The following LIMCH1 variants were observed in gnomAD, a reference collection of about 807,000 sequenced individuals.
LIMCH1 encodes the protein LIM and calponin homology domains-containing protein 1.
A neutral mutation model predicts 176.5 loss-of-function variants in LIMCH1; 113 were observed. That is an observed-to-expected ratio of 0.64 (90% confidence interval 0.55 to 0.75). The LOEUF is 0.75. Among genes scored for constraint, LIMCH1 ranks in the 30% least tolerant of loss-of-function variants. The pLI, the probability that LIMCH1 is intolerant of heterozygous loss-of-function variation, is 0.00. For synonymous variants in LIMCH1, 619 were observed against 645.9 expected (o/e 0.96, Z 0.63); for missense variants, 1,674 against 1,814.9 (o/e 0.92, Z 1.41).
At chr4:41,501,857 CTTT>C (rs71198662) in intron 2 of LIMCH1, among the ~76,000 whole-genome samples, 1,129 of 74,914 alleles carry the variant, frequency 0.015, 25 homozygotes, top group African/African-American at 0.056. Flanking sequence ...GTGTAGAATC[CTTT>C]TTTTTTTTTT....
At chr4:41,417,572 G>A (rs976914094) in intron 1 of LIMCH1, among the ~76,000 whole-genome samples, 1 of 152,100 alleles carries the variant, frequency 6.6e-6, no homozygotes, top group African/African-American at 2.4e-5. Flanking sequence ...CCAGGCTGGA[G>A]TGCAGTGGTG....
At chr4:41,641,969 A>T (rs1301015678) in intron 14 of LIMCH1, among the ~76,000 whole-genome samples, 1 of 152,222 alleles carries the variant, frequency 6.6e-6, no homozygotes, top group Non-Finnish European at 1.5e-5. Context: ...CGCAGGACAG[A>T]CAAAGGTAAT....
intron 25 of LIMCH1, among the ~76,000 whole-genome samples, chr4:41,681,713 G>C (rs201214752): frequency 1.3e-5 from 2 of 152,166 alleles, no homozygotes; most frequent in East Asian, 3.9e-4. Flanking sequence ...TGCATGCTGG[G>C]CTTAACACTC....
chr4:41,660,276 TTTAAG>T (rs2094576317), intron 18 of LIMCH1, among the ~76,000 whole-genome samples: 1 of 152,062 alleles, frequency 6.6e-6, no homozygotes. Flanking sequence ...TTATTGGATA[TTTAAG>T]TTGTTTCAAT....
intron 29 of LIMCH1, among the ~76,000 whole-genome samples, chr4:41,688,215 C>T (rs1420057207): frequency 6.6e-6 from 1 of 152,232 alleles, no homozygotes; most frequent in Non-Finnish European, 1.5e-5. Flanking sequence ...AACCGCTGGG[C>T]TCCAAAGCTG....
At chr4:41,695,033 T>C (rs1421311459) in intron 31 of LIMCH1, among the ~76,000 whole-genome samples, 1 of 152,100 alleles carries the variant, frequency 6.6e-6, no homozygotes, top group Non-Finnish European at 1.5e-5. Context: ...TATTTCCTTT[T>C]CTGTAAAGTG....
At chr4:41,432,343 T>C (rs1474011284) in intron 1 of LIMCH1, among the ~76,000 whole-genome samples, 1 of 152,242 alleles carries the variant, frequency 6.6e-6, no homozygotes, top group Non-Finnish European at 1.5e-5. Context: ...TCTTGATTCC[T>C]AACAGAGAAC....
chr4:41,579,272 C>T (rs10021226), intron 1 of LIMCH1, among the ~76,000 whole-genome samples: 33,374 of 151,986 alleles, frequency 0.22, 4,325 homozygotes, highest in African/African-American at 0.35. Context: ...CCTCCTGTTC[C>T]GTAAGAGTCT....
intron 1 of LIMCH1, among the ~76,000 whole-genome samples, chr4:41,380,711 T>C (rs2055528354): frequency 1.3e-5 from 2 of 152,174 alleles, no homozygotes. Context: ...AGTGAGTAAG[T>C]TGCACTGGGC....
chr4:41,390,022 A>T lies in LIMCH1; in HGVS notation c.96+29086A>T, dbSNP rs191122284. The stretch of plus-strand genomic sequence containing the variant: ...TGCATTCACCTTAAGGAATTGACTC[A>T]CTGCAGAAGCATCAGCAGCACCATT... On this transcript the variant is annotated intron_variant, in intron 1 of 26. Transcript: ENST00000313860. Among the ~76,000 whole-genome samples the T allele has an allele frequency of 1.3e-3, 193 of 152,204 alleles. 1 individual carries two copies. The highest frequency in any genetic ancestry group is 4.5e-3 in the African/African-American group (188 of 41,546).
intron 1 of LIMCH1, among the ~76,000 whole-genome samples, chr4:41,590,007 C>T (rs543977390): frequency 2.0e-5 from 3 of 152,202 alleles, no homozygotes; most frequent in Non-Finnish European, 4.4e-5. Context: ...ATCCCCACAT[C>T]CACTCAATGG....
intron 4 of LIMCH1, 37 bp from the exon 5 acceptor site, chr4:41,613,429 A>G: frequency 6.3e-7 from 1 of 1,577,830 alleles, no homozygotes; most frequent in Non-Finnish European, 8.7e-7. Context: ...GTAGGCTAGA[A>G]TTATGTCTGT....
intron 1 of LIMCH1, among the ~76,000 whole-genome samples, chr4:41,425,898 G>A (rs2061034364): frequency 6.6e-6 from 1 of 152,206 alleles, no homozygotes; most frequent in Admixed American, 6.5e-5. Flanking sequence ...TGGGTTGCTG[G>A]GCAGCTGAGA....
chr4:41,448,837 A>C (rs1333760836), intron 1 of LIMCH1, among the ~76,000 whole-genome samples: 1 of 152,094 alleles, frequency 6.6e-6, no homozygotes, highest in Non-Finnish European at 1.5e-5. Context: ...AACTTTCTTT[A>C]TTTATTAAAT....
At chr4:41,637,705 G>A (rs1406904905) in intron 13 of LIMCH1, among the ~76,000 whole-genome samples, 1 of 152,124 alleles carries the variant, frequency 6.6e-6, no homozygotes, top group Non-Finnish European at 1.5e-5. Flanking sequence ...GCATTGGTAT[G>A]GTTGCCTTCA....
intron 22 of LIMCH1, 105 bp downstream of exon 22, chr4:41,671,699 A>AC: frequency 1.2e-6 from 1 of 853,798 alleles, no homozygotes; most frequent in Non-Finnish European, 2.0e-6. Flanking sequence ...GCGGTGGCTC[A>AC]CGCCTGTAAT....
intron 1 of LIMCH1, among the ~76,000 whole-genome samples, chr4:41,567,616 G>A (rs1032664429): frequency 6.6e-6 from 1 of 152,160 alleles, no homozygotes; most frequent in Admixed American, 6.5e-5. Context: ...AACCTGGTAG[G>A]TAAGTGTTAC....
intron 25 of LIMCH1, among the ~76,000 whole-genome samples, chr4:41,681,671 C>T (rs536674886): frequency 1.3e-5 from 2 of 152,078 alleles, no homozygotes; most frequent in African/African-American, 2.4e-5. Flanking sequence ...GACCCTATCT[C>T]TAAAGGAAAT....
At chr4:41,504,773 T>C (rs1307744622) in intron 2 of LIMCH1, among the ~76,000 whole-genome samples, 1 of 152,246 alleles carries the variant, frequency 6.6e-6, no homozygotes, top group East Asian at 1.9e-4. Context: ...TAAGGACATA[T>C]ATTTAACAAA....
Sources: allele counts gnomAD v4.1 joint callset (sites outside exome capture counted in the v4.1 genomes callset), GRCh38; gene constraint gnomAD v4.1.1; transcripts MANE v1.5; gene names NCBI Gene and HGNC (gene_info 2026-07-23, HGNC 2026-07-21).